The following NOX1 variants were observed in gnomAD, a reference collection of about 807,000 sequenced individuals.
NOX1 encodes NADPH oxidase 1, also known as NADH/NADPH mitogenic oxidase subunit P65-MOX.
Under a neutral mutation model 42.5 loss-of-function variants are expected in NOX1, and 34 were observed. The ratio of observed to expected loss-of-function variants is 0.80; its 90% CI spans 0.61 to 1.07. NOX1 has a LOEUF of 1.07. Among genes scored for constraint, NOX1 ranks in the 50% least tolerant of loss-of-function variants. The pLI is 0.00. For missense variants in NOX1, 408 were observed against 427.0 expected, an observed-to-expected ratio of 0.96 and a Z score of 0.39; for synonymous variants, 143 against 152.5, an observed-to-expected ratio of 0.94 and a Z score of 0.46.
At chrX:100,859,816 A>T (rs2147914330) in intron 7 of NOX1, among the ~76,000 whole-genome samples, 2 of 93,139 alleles carry the variant, frequency 2.1e-5, no homozygotes, top group African/African-American at 4.1e-5. Context: ...GCCATTTCTG[A>T]TTGTGTTTTT....
At position 100,862,399 on chromosome X, in the gene NOX1, C is replaced by T. The variant is rs748379188; in HGVS notation, c.664G>A (p.Gly222Ser). The T allele has an allele frequency of 1.2e-5, 14 of 1,210,552 alleles. No individual in the cohort carries two copies. In the East Asian group the frequency reaches 3.2e-4, roughly 28 times the overall value. The change falls in exon 6 of 13, where the codon GGC becomes AGC. Residue 222 changes from glycine (G) to serine (S), a missense_variant. Physicochemically the swap from Gly to Ser is moderately conservative, Grantham distance 56 (BLOSUM62 0). Coordinates refer to ENST00000372966, the MANE Select transcript of NOX1 (RefSeq NM_007052.5). ...AGGGTTCGAGGATCTTACCCAATGC[C>T]GTGAATCCCTAAGCCAAGGATATAG... is the stretch of plus-strand genomic sequence containing the variant. ...IFYILGLGIH[G>S]IGGIVRGQTE... is the part of the protein sequence containing the mutation.
At position 100,843,673 on chromosome X, in the gene NOX1, C is replaced by A; in HGVS notation, c.*279G>T. The A allele has an allele frequency of 2.4e-6, 1 of 408,610 alleles. No individual in the cohort carries two copies. Among genetic ancestry groups the A allele is most frequent in the Non-Finnish European group, 4.0e-6 (1 of 247,327 alleles). The allele number at this position is 408,610 out of a possible 1,213,427, so 33.7% of individuals were successfully genotyped here. A position where few individuals can be genotyped will look rare whatever the true frequency, so the allele number is the denominator to read the frequency against. ...GAACCACCAAACCTCTGCTATCAAG[C>A]CTTGCTACAGTCATGGCTGTCCAGA... is the stretch of plus-strand genomic sequence containing the variant. On this transcript the variant is annotated 3_prime_UTR_variant, in exon 13 of 13. Coordinates refer to ENST00000372966, the MANE Select transcript of NOX1 (RefSeq NM_007052.5).
Position 100,850,357 on chromosome X carries a change from T to C in NOX1, c.927A>G (p.Glu309=). Residue 309 remains glutamate (E), a synonymous_variant, in exon 9 of 13, where the codon GAA becomes GAG. Transcript: ENST00000372966. ...TGAAGCCACGCTTGTTCATCTGCAA[T>C]TCCAAAACTTTGGATGGGTGCATAA... The part of the protein sequence containing the change: ...KVVMHPSKVL[E]LQMNKRGFSM... The C allele has an allele frequency of 8.4e-7, 1 of 1,196,621 alleles. No homozygotes were observed. Among genetic ancestry groups the C allele is most frequent in the Non-Finnish European group, 1.1e-6 (1 of 887,000 alleles).
rs769305738 is a variant in NOX1, at chrX:100,849,917, G to A, written c.1151C>T (p.Pro384Leu). 1.7e-6 allele frequency: 2 copies of A among 1,200,493 alleles called. No individual in the cohort carries two copies. The highest frequency in any genetic ancestry group is 2.3e-5 in the Admixed American group (1 of 44,205). ...SPIPRIEVDG[P>L]FGTASEDVFQ... ...AACATCCTCACTGGCTGTGCCAAAG[G>A]GACCATCCACTTCAATCCTGGCAGA... is the stretch of plus-strand genomic sequence containing the variant. Residue 384 changes from proline to leucine, a missense_variant, in exon 10 of 13, where the codon CCC becomes CTC. Physicochemically the swap from Pro to Leu is moderately conservative, Grantham distance 98. Coordinates refer to ENST00000372966, the MANE Select transcript of NOX1 (RefSeq NM_007052.5).
intron 12 of NOX1, among the ~76,000 whole-genome samples, 187 bp from the exon 13 acceptor site, chrX:100,844,265 A>G (rs901401772): frequency 1.8e-5 from 2 of 110,657 alleles, no homozygotes; most frequent in African/African-American, 3.3e-5. Flanking sequence ...AGCCCTTAAC[A>G]CTCTCAGCAC....
chrX:100,863,337 A>T, intron 3 of NOX1, 94 bp from the exon 4 acceptor site: 10 of 923,835 alleles, frequency 1.1e-5, no homozygotes, highest in Non-Finnish European at 1.6e-5. Flanking sequence ...TAGCATGCCA[A>T]TACTCACCCG....
intron 7 of NOX1, chrX:100,855,650 A>G: frequency 9.8e-7 from 1 of 1,018,790 alleles, no homozygotes. Flanking sequence ...CTCCTGGATA[A>G]CCACCATCAT....
intron 1 of NOX1, among the ~76,000 whole-genome samples, chrX:100,873,066 AAAG>A (rs1170300910): frequency 5.5e-5 from 6 of 109,354 alleles, no homozygotes; most frequent in African/African-American, 2.0e-4. Flanking sequence ...ACAGGAATAA[AAAG>A]AAGCATCACA....
chrX:100,848,900 A>AC lies in NOX1; in HGVS notation c.1444-147dup, dbSNP rs746863259. On this transcript the variant is annotated intron_variant, in intron 11 of 12. Transcript: ENST00000372966. ...AGACTAGCCTGACCAACATGGTGAG[A>AC]CCCCCATCTCTACTAAAAATTCAAA... 1,171 of 487,124 alleles carry AC rather than the reference A, an allele frequency of 2.4e-3. 10 individuals carry two copies. Among genetic ancestry groups the AC allele is most frequent in the African/African-American group, 0.012 (499 of 40,956 alleles). 40.1% of individuals were successfully genotyped at this position (487,124 alleles called of 1,213,427 possible). A position where few individuals can be genotyped will look rare whatever the true frequency, so the allele number is the denominator to read the frequency against.
intron 12 of NOX1, among the ~76,000 whole-genome samples, chrX:100,847,744 C>T (rs895682910): frequency 1.4e-4 from 12 of 84,736 alleles, no homozygotes; most frequent in African/African-American, 5.3e-4. Context: ...CCAGCCTGGG[C>T]GACAAGAGCG....
chrX:100,863,253 T>C lies in NOX1; in HGVS notation c.253-10A>G. On this transcript the variant is annotated splice_polypyrimidine_tract_variant and intron_variant, in intron 3 of 12. Transcript: ENST00000372966. Reference sequence around the variant, plus strand: ...GTGTGCGGCTGCAAAACTACAAATGTAGAATGATCATGGTCAGATGTCGCC... The same window carrying C: ...GTGTGCGGCTGCAAAACTACAAATGCAGAATGATCATGGTCAGATGTCGCC... The C allele has an allele frequency of 1.7e-6, 2 of 1,170,278 alleles. No individual in the cohort carries two copies. Among genetic ancestry groups the C allele is most frequent in the Non-Finnish European group, 2.3e-6 (2 of 857,813 alleles).
Position 100,874,177 on chromosome X carries a change from G to A in NOX1, c.-38C>T, listed in dbSNP as rs770225799. The A allele has an allele frequency of 3.0e-5, 32 of 1,052,113 alleles. No homozygotes were observed. The highest frequency in any genetic ancestry group is 9.2e-5 in the Admixed American group (4 of 43,681). The allele number at this position is 1,052,113 out of a possible 1,213,427, so 86.7% of individuals were successfully genotyped here. ...GTTTGGAGCCCTTCTAGGCAACAGG[G>A]AAGATTCAGCAATCCGGATTCTGGA... is the stretch of plus-strand genomic sequence containing the variant. On this transcript the variant is annotated 5_prime_UTR_variant, in exon 1 of 13. Coordinates refer to ENST00000372966, the MANE Select transcript of NOX1 (RefSeq NM_007052.5).
At chrX:100,850,047 A>C in intron 9 of NOX1, 104 bp downstream of exon 9, 2 of 974,425 alleles carry the variant, frequency 2.1e-6, no homozygotes, top group Non-Finnish European at 2.8e-6. Context: ...TATTTATTAT[A>C]ATCCTATTCT....
At chrX:100,864,661 A>G (rs150423222) in intron 2 of NOX1, among the ~76,000 whole-genome samples, 1,322 of 112,148 alleles carry the variant, frequency 0.012, 16 homozygotes, top group African/African-American at 0.041. Flanking sequence ...AATGCTTCAA[A>G]GAAGCATTTA....
chrX:100,844,353 T>C (rs770244728), intron 12 of NOX1, among the ~76,000 whole-genome samples: 1 of 110,069 alleles, frequency 9.1e-6, no homozygotes, highest in South Asian at 4.3e-4. Flanking sequence ...GTGCAGCCAG[T>C]CTGTCTGGGT....
Position 100,850,177 on chromosome X carries a change from G to A in NOX1, c.1107C>T (p.Phe369=), listed in dbSNP as rs150382983. ...GDWTENLIRA[F]EQQYSPIPRI... is the part of the protein sequence containing the mutation. The stretch of plus-strand genomic sequence containing the variant: ...TGGGAATTGGTGAATATTGTTGTTC[G>A]AAAGCCCTTATGAGATTTTCTGTCC... Residue 369 remains phenylalanine, a synonymous_variant, in exon 9 of 13, where the codon TTC becomes TTT. Transcript: ENST00000372966. 80 of 1,208,688 alleles carry A rather than the reference G, an allele frequency of 6.6e-5. No individual in the cohort carries two copies. Among genetic ancestry groups the A allele is most frequent in the African/African-American group, 1.6e-4 (9 of 57,220 alleles).
chrX:100,874,168 G>C lies in NOX1; in HGVS notation c.-29C>G. ...CAAGAGGTGGTTTGGAGCCCTTCTA[G>C]GCAACAGGGAAGATTCAGCAATCCG... On this transcript the variant is annotated 5_prime_UTR_variant, in exon 1 of 13. Coordinates refer to ENST00000372966, the MANE Select transcript of NOX1 (RefSeq NM_007052.5). The C allele has an allele frequency of 9.0e-7, 1 of 1,113,881 alleles. No homozygotes were observed. The highest frequency in any genetic ancestry group is 1.2e-6 in the Non-Finnish European group (1 of 810,998). 91.8% of individuals were successfully genotyped at this position (1,113,881 alleles called of 1,213,427 possible). A position where few individuals can be genotyped will look rare whatever the true frequency, so the allele number is the denominator to read the frequency against.
At chrX:100,865,261 A>G (rs2085230116) in intron 2 of NOX1, among the ~76,000 whole-genome samples, 1 of 112,593 alleles carries the variant, frequency 8.9e-6, no homozygotes, top group South Asian at 3.6e-4. Flanking sequence ...GGTTCCCACT[A>G]CTTGCTTATT....
In NOX1 at chrX:100,851,242, C is replaced by G. The variant is rs1031136457; in HGVS notation, c.888G>C (p.Val296=). The G allele has an allele frequency of 1.7e-6, 2 of 1,170,465 alleles. No individual in the cohort carries two copies. The highest frequency in any genetic ancestry group is 2.3e-6 in the Non-Finnish European group (2 of 862,812). ...LRFYRSQQKV[V]ITKVVMHPSK... ...AGTGCATATTCTTTACCTTGGTAAT[C>G]ACAACCTTCTGCTGGGAGCGGTAAA... is the stretch of plus-strand genomic sequence containing the variant. The change falls in exon 8 of 13, where the codon GTG becomes GTC. Residue 296 remains valine, a synonymous_variant. Coordinates refer to ENST00000372966, the MANE Select transcript of NOX1 (RefSeq NM_007052.5).
Sources: allele counts gnomAD v4.1 joint callset (sites outside exome capture counted in the v4.1 genomes callset), GRCh38; gene constraint gnomAD v4.1.1; transcripts MANE v1.5; gene names NCBI Gene and HGNC (gene_info 2026-07-23, HGNC 2026-07-21).